MACROD2: variants seen among roughly 807,000 people sequenced by gnomAD.
The protein encoded by MACROD2 is ADP-ribose glycohydrolase MACROD2.
A neutral mutation model predicts 70.4 loss-of-function variants in MACROD2; 36 were observed. The observed-to-expected ratio is 0.51, with a 90% CI of 0.39 to 0.68. The LOEUF (loss-of-function observed/expected upper bound fraction) is 0.68, where lower values mean the gene tolerates loss of function less well. Among genes scored for constraint, MACROD2 ranks in the 30% least tolerant of loss-of-function variants. The pLI, the probability that MACROD2 is intolerant of heterozygous loss-of-function variation, is 0.00. For synonymous variants in MACROD2, 172 were observed against 178.8 expected (o/e 0.96, Z 0.30); for missense variants, 496 against 538.4 (o/e 0.92, Z 0.78).
At chr20:15,242,138 A>T (rs367798524) in intron 6 of MACROD2, among the ~76,000 whole-genome samples, 264 of 152,300 alleles carry the variant, frequency 1.7e-3, no homozygotes, top group South Asian at 0.017. Flanking sequence ...AAGACACTAC[A>T]TCACTGCTAT....
chr20:15,454,036 A>G (rs8121515), intron 7 of MACROD2, among the ~76,000 whole-genome samples: 11,636 of 152,128 alleles, frequency 0.076, 636 homozygotes, highest in African/African-American at 0.16. Flanking sequence ...GTGAAAATGA[A>G]TATTGGGTTT....
At chr20:15,225,535 C>A (rs895046814) in intron 5 of MACROD2, among the ~76,000 whole-genome samples, 6 of 152,192 alleles carry the variant, frequency 3.9e-5, no homozygotes, top group Admixed American at 2.6e-4. Context: ...GTTTATCCTT[C>A]CAGAGATGTT....
intron 7 of MACROD2, among the ~76,000 whole-genome samples, chr20:15,475,238 A>T (rs2047007416): frequency 6.6e-6 from 1 of 152,158 alleles, no homozygotes; most frequent in Admixed American, 6.5e-5. Flanking sequence ...AGGTCCTGGA[A>T]CCAATTCCCT....
chr20:15,667,709 A>T (rs2049920559), intron 8 of MACROD2, among the ~76,000 whole-genome samples: 1 of 152,164 alleles, frequency 6.6e-6, no homozygotes, highest in Non-Finnish European at 1.5e-5. Flanking sequence ...CCCACCTGTT[A>T]CGGCTCTTTA....
intron 5 of MACROD2, among the ~76,000 whole-genome samples, chr20:15,033,225 A>G (rs570678738): frequency 1.3e-5 from 2 of 152,340 alleles, no homozygotes; most frequent in Admixed American, 1.3e-4. Context: ...GTGATAAATT[A>G]CATTATGTAT....
intron 3 of MACROD2, among the ~76,000 whole-genome samples, chr20:14,251,489 A>G (rs2122273355): frequency 1.3e-5 from 2 of 152,246 alleles, no homozygotes; most frequent in Middle Eastern, 3.4e-3. Flanking sequence ...ATTTTACTCA[A>G]ATAAGACATG....
intron 4 of MACROD2, among the ~76,000 whole-genome samples, chr20:14,568,136 G>C (rs1447844717): frequency 1.3e-5 from 2 of 151,988 alleles, no homozygotes; most frequent in Non-Finnish European, 2.9e-5. Flanking sequence ...GCATACTTTT[G>C]TGTTACCTTT....
intron 8 of MACROD2, among the ~76,000 whole-genome samples, chr20:15,705,172 TA>T (rs1005225421): frequency 6.6e-6 from 1 of 152,144 alleles, no homozygotes; most frequent in Non-Finnish European, 1.5e-5. Flanking sequence ...CAATTCCTCA[TA>T]AAAAAATAAA....
intron 3 of MACROD2, among the ~76,000 whole-genome samples, chr20:14,201,568 G>A (rs1246237837): frequency 6.6e-6 from 1 of 152,088 alleles, no homozygotes; most frequent in African/African-American, 2.4e-5. Context: ...CAAGACAGGC[G>A]TGGTGGCTCA....
In MACROD2 at chr20:15,121,639, G is replaced by A. The variant is rs144121278; in HGVS notation, c.419-108301G>A. Reference sequence around the variant, plus strand: ...TAGGCTAAGTTTTCTTAGGTGTTTCGCATCTATTATCTTTTTAAATCCTTA... The same window carrying A: ...TAGGCTAAGTTTTCTTAGGTGTTTCACATCTATTATCTTTTTAAATCCTTA... On this transcript the variant is annotated intron_variant, in intron 5 of 17. Coordinates refer to ENST00000684519, the MANE Select transcript of MACROD2 (RefSeq NM_001351661.2). Among the ~76,000 whole-genome samples, 11 of 152,040 alleles carry A rather than the reference G, an allele frequency of 7.2e-5. No homozygotes were observed. The South Asian group carries it at 8.3e-4, about 11-fold the overall frequency.
Position 14,897,662 on chromosome 20 carries a change from G to A in MACROD2, c.418+212703G>A, listed in dbSNP as rs540408160. On this transcript the variant is annotated intron_variant, in intron 5 of 17. Transcript: ENST00000684519. ...ATGTTTTAGAAAGTTATTCACTGATGGGGCAGAAAGGCAGAAGAACCAAGC... is the reference window on the plus strand; with the variant it reads ...ATGTTTTAGAAAGTTATTCACTGATAGGGCAGAAAGGCAGAAGAACCAAGC... 7.6e-4 allele frequency among the ~76,000 whole-genome samples: 116 copies of A among 152,164 alleles called. 1 individual carries two copies. Among genetic ancestry groups the A allele is most frequent in the African/African-American group, 2.4e-3 (100 of 41,524 alleles).
At position 15,693,347 on chromosome 20, in the gene MACROD2, T is replaced by C. The variant is rs192767447; in HGVS notation, c.646-169398T>C. Among the ~76,000 whole-genome samples, 5 of 152,348 alleles carry C rather than the reference T, an allele frequency of 3.3e-5. No homozygotes were observed. In the East Asian group the frequency reaches 9.6e-4, roughly 29 times the overall value. ...TCTCTCTGCGCTTCACACCAAGAGA[T>C]AGTGTCTTGTATCCTATTAGGTATG... On this transcript the variant is annotated intron_variant, in intron 8 of 17. Coordinates refer to ENST00000684519, the MANE Select transcript of MACROD2 (RefSeq NM_001351661.2).
chr20:14,460,548 T>C (rs2084356457), intron 3 of MACROD2, among the ~76,000 whole-genome samples: 1 of 152,092 alleles, frequency 6.6e-6, no homozygotes, highest in Admixed American at 6.6e-5. Flanking sequence ...CAGTATGATA[T>C]TGGCTGTGGG....
intron 6 of MACROD2, among the ~76,000 whole-genome samples, chr20:15,407,816 G>C (rs895406836): frequency 8.5e-5 from 13 of 152,174 alleles, no homozygotes; most frequent in African/African-American, 3.1e-4. Flanking sequence ...GTAGTTACTA[G>C]AATCACAGAA....
At chr20:15,125,533 G>A (rs1366164545) in intron 5 of MACROD2, among the ~76,000 whole-genome samples, 2 of 151,966 alleles carry the variant, frequency 1.3e-5, no homozygotes, top group Admixed American at 1.3e-4. Flanking sequence ...AAGAAAGTTT[G>A]GGAACGTTTC....
At chr20:14,893,070 A>C (rs538284073) in intron 5 of MACROD2, 35 of 152,312 alleles carry the variant, frequency 2.3e-4, no homozygotes, top group African/African-American at 8.2e-4. Flanking sequence ...TGACTGGCTT[A>C]TTTCTCTTAG....
At chr20:14,655,037 T>A (rs78861895) in intron 4 of MACROD2, among the ~76,000 whole-genome samples, 4,571 of 152,266 alleles carry the variant, frequency 0.03, 100 homozygotes, top group Non-Finnish European at 0.044. Context: ...GTTTTTTTTT[T>A]AATTGTAAGA....
At chr20:14,201,238 T>C (rs893246668) in intron 3 of MACROD2, among the ~76,000 whole-genome samples, 1 of 152,244 alleles carries the variant, frequency 6.6e-6, no homozygotes, top group African/African-American at 2.4e-5. Flanking sequence ...CATTCTTCTC[T>C]TTCAATGAAT....
chr20:14,327,598 G>T, intron 3 of MACROD2: 1 of 1,326,804 alleles, frequency 7.5e-7, no homozygotes, highest in Non-Finnish European at 1.0e-6. Context: ...AAACAATAAG[G>T]CCAGCATACT....
Sources: allele counts gnomAD v4.1 joint callset (sites outside exome capture counted in the v4.1 genomes callset), GRCh38; gene constraint gnomAD v4.1.1; transcripts MANE v1.5; gene names NCBI Gene and HGNC (gene_info 2026-07-23, HGNC 2026-07-21).